The following MGST1 variants were observed in gnomAD, a reference collection of about 807,000 sequenced individuals.
MGST1 encodes glutathione S-transferase 12.
A neutral mutation model predicts 8.9 loss-of-function variants in MGST1; 5 were observed. The observed-to-expected ratio is 0.56, with a 90% CI of 0.29 to 1.19. The LOEUF is 1.19. Among genes scored for constraint, MGST1 ranks in the 50% most tolerant of loss-of-function variants. The probability of loss-of-function intolerance (pLI) is 0.08; values close to 1 mark genes in which losing one functional copy is unlikely to be tolerated. For missense variants in MGST1, 182 were observed against 187.4 expected, an observed-to-expected ratio of 0.97 and a Z score of 0.17; for synonymous variants, 54 against 67.8, an observed-to-expected ratio of 0.80 and a Z score of 1.00.
At chr12:16,553,328 AGCATGCAG>A (rs1235868105) in intron 4 of MGST1, among the ~76,000 whole-genome samples, 3 of 152,174 alleles carry the variant, frequency 2.0e-5, no homozygotes, top group African/African-American at 7.2e-5. Flanking sequence ...AGGGCAGTAA[AGCATGCAG>A]GCTACAAGAA....
downstream of MGST1, among the ~76,000 whole-genome samples, chr12:16,364,741 T>G (rs1456975363): frequency 6.6e-6 from 1 of 152,166 alleles, no homozygotes; most frequent in Non-Finnish European, 1.5e-5. This position sits in a 1 kb window ranked among gnomAD's most constrained non-coding sequence, Gnocchi z 5.7. Context: ...CTTATTCCAA[T>G]TTTTTCATGT....
At chr12:16,391,446 T>C (rs1302393623) in intron 1 of MGST1, among the ~76,000 whole-genome samples, 1 of 152,152 alleles carries the variant, frequency 6.6e-6, no homozygotes. Context: ...GTTAGTTTGC[T>C]GAGAATGATG....
At chr12:16,353,517 G>A (rs780926907) in intron 1 of MGST1, 13 of 152,150 alleles carry the variant, frequency 8.5e-5, no homozygotes, top group Non-Finnish European at 1.3e-4. Context: ...GCCTTCCTAA[G>A]TTCAGTGCTG....
chr12:16,564,162 C>T (rs368901928), intron 4 of MGST1, among the ~76,000 whole-genome samples: 4 of 152,090 alleles, frequency 2.6e-5, no homozygotes, highest in East Asian at 3.9e-4. Flanking sequence ...TAAAAACAGA[C>T]ATGAATATAA....
Position 16,547,743 on chromosome 12 carries a change from A to G in MGST1, n.483-41785A>G, listed in dbSNP as rs572136704. ...TGTTTTTAAGAAAAAGTAATGATCA[A>G]AAAGGCTTTTGCTAAAATTGTATTT... On this transcript the variant is annotated intron_variant and non_coding_transcript_variant, in intron 4 of 4. Transcript: ENST00000538857. This position sits in a 1 kb window ranked among gnomAD's most constrained non-coding sequence, Gnocchi z 4.6. 2.0e-5 allele frequency among the ~76,000 whole-genome samples: 3 copies of G among 152,196 alleles called. No individual in the cohort carries two copies. The highest frequency in any genetic ancestry group is 4.4e-5 in the Non-Finnish European group (3 of 68,022).
intron 4 of MGST1, among the ~76,000 whole-genome samples, chr12:16,446,424 G>A (rs898212200): frequency 1.3e-5 from 2 of 151,830 alleles, no homozygotes; most frequent in African/African-American, 2.4e-5. Flanking sequence ...TTAAATCAAG[G>A]TCGCCATCTT....
rs1940734780 is a variant in MGST1, at chr12:16,410,664, A to G, written n.779-26724A>G. On this transcript the variant is annotated intron_variant and non_coding_transcript_variant, in intron 1 of 1. Coordinates refer to the MGST1 transcript ENST00000359720. This position sits in a 1 kb window ranked among gnomAD's most constrained non-coding sequence, Gnocchi z 4.4. ...ATACATATATTATATATAAACATAC[A>G]TAATCAAATATATAATATAAATATA... Among the ~76,000 whole-genome samples, 1 of 148,168 alleles carries G rather than the reference A, an allele frequency of 6.7e-6. No individual in the cohort carries two copies.
In MGST1 at chr12:16,497,017, T is replaced by C. The variant is rs1475327313; in HGVS notation, n.483-92511T>C. ...TGGCACTGCTAAAAGAGGAAGAAGT[T>C]ATGGATTATAGAAAGGGAATAACTT... On this transcript the variant is annotated intron_variant and non_coding_transcript_variant, in intron 4 of 4. Transcript: ENST00000538857. This position sits in a 1 kb window ranked among gnomAD's most constrained non-coding sequence, Gnocchi z 4.4. Among the ~76,000 whole-genome samples, 7 of 152,264 alleles carry C rather than the reference T, an allele frequency of 4.6e-5. No homozygotes were observed. Among genetic ancestry groups the C allele is most frequent in the South Asian group, 4.1e-4 (2 of 4,828 alleles).
intron 4 of MGST1, among the ~76,000 whole-genome samples, chr12:16,447,033 A>G (rs191789287): frequency 1.4e-4 from 22 of 151,924 alleles, no homozygotes; most frequent in Admixed American, 1.4e-3. Context: ...TCCTTTCTCC[A>G]CAGTCTGCCA....
intron 3 of MGST1, 53 bp downstream of exon 3, chr12:16,357,752 G>A (rs1296348554): frequency 6.8e-7 from 1 of 1,480,776 alleles, no homozygotes; most frequent in East Asian, 2.3e-5. Flanking sequence ...TTTGGTCAAG[G>A]AGTTCAGTGA....
chr12:16,411,387 C>T (rs1348566901), intron 1 of MGST1, among the ~76,000 whole-genome samples: 1 of 152,166 alleles, frequency 6.6e-6, no homozygotes, highest in African/African-American at 2.4e-5. Flanking sequence ...TAGAGAGTTA[C>T]CATATGATAC....
At chr12:16,399,297 G>T (rs1302693006) in intron 1 of MGST1, 14 of 1,605,852 alleles carry the variant, frequency 8.7e-6, no homozygotes, top group Non-Finnish European at 1.2e-5. Flanking sequence ...TTTCTTGGGG[G>T]GTGCAGAGCT....
At chr12:16,459,119 G>A (rs536810522) in intron 4 of MGST1, among the ~76,000 whole-genome samples, 1 of 152,052 alleles carries the variant, frequency 6.6e-6, no homozygotes, top group Non-Finnish European at 1.5e-5. Context: ...GGCAATTAAA[G>A]AAATTATTCT....
chr12:16,418,481 C>T (rs1470259714), intron 1 of MGST1, among the ~76,000 whole-genome samples: 1 of 152,174 alleles, frequency 6.6e-6, no homozygotes, highest in African/African-American at 2.4e-5. Flanking sequence ...TTATAATGCT[C>T]ATTATTCTCT....
In MGST1 at chr12:16,548,139, C is replaced by T. The variant is rs1460799826; in HGVS notation, n.483-41389C>T. ...TGTGCAAAATTACACCCAGCAATTG[C>T]TACCTTCATTTTTGAGAGTTTTATT... is the stretch of plus-strand genomic sequence containing the variant. On this transcript the variant is annotated intron_variant and non_coding_transcript_variant, in intron 4 of 4. Transcript: ENST00000538857. This position sits in a 1 kb window ranked among gnomAD's most constrained non-coding sequence, Gnocchi z 4.2. 6.6e-6 allele frequency among the ~76,000 whole-genome samples: 1 copy of T among 152,124 alleles called. No homozygotes were observed. The highest frequency in any genetic ancestry group is 2.4e-5 in the African/African-American group (1 of 41,424).
intron 4 of MGST1, among the ~76,000 whole-genome samples, chr12:16,481,674 G>A (rs1941365487): frequency 6.6e-6 from 1 of 152,054 alleles, no homozygotes; most frequent in East Asian, 1.9e-4. Flanking sequence ...CTAGACGGTA[G>A]ATCTAAAGAA....
At position 16,389,346 on chromosome 12, in the gene MGST1, A is replaced by C. The variant is rs910064008; in HGVS notation, n.778+5742A>C. 2.6e-4 allele frequency among the ~76,000 whole-genome samples: 40 copies of C among 152,244 alleles called. No homozygotes were observed. Among genetic ancestry groups the C allele is most frequent in the Non-Finnish European group, 7.3e-5 (5 of 68,048 alleles). On this transcript the variant is annotated intron_variant and non_coding_transcript_variant, in intron 1 of 1. Transcript: ENST00000359720. This position sits in a 1 kb window ranked among gnomAD's most constrained non-coding sequence, Gnocchi z 4.6. ...CACAACTTGCCTAAAAATAATGTTG[A>C]GAATAGTGGTTAAGTGTCCTGTTTT...
chr12:16,533,008 G>A (rs1318289843), intron 4 of MGST1, among the ~76,000 whole-genome samples: 2 of 152,158 alleles, frequency 1.3e-5, no homozygotes, highest in Non-Finnish European at 2.9e-5. Flanking sequence ...AAACATGTGA[G>A]CATAGCTTGG....
At chr12:16,428,671 T>G (rs1940913990) in intron 1 of MGST1, among the ~76,000 whole-genome samples, 1 of 152,000 alleles carries the variant, frequency 6.6e-6, no homozygotes, top group African/African-American at 2.4e-5. Flanking sequence ...ATTATGTCAT[T>G]TAGTATTATT....
Sources: allele counts gnomAD v4.1 joint callset (sites outside exome capture counted in the v4.1 genomes callset), GRCh38; gene constraint gnomAD v4.1.1; non-coding constraint Gnocchi (gnomAD v3.1); transcripts MANE v1.5; gene names NCBI Gene and HGNC (gene_info 2026-07-23, HGNC 2026-07-21).